Variants in ASTN2 observed in about 807,000 individuals in gnomAD.
ASTN2 encodes astrotactin 2.
Under a neutral mutation model 139.8 loss-of-function variants are expected in ASTN2, and 54 were observed. That is an observed-to-expected ratio of 0.39 (90% CI 0.31 to 0.48). ASTN2 has a LOEUF of 0.48. Ranked by LOEUF, ASTN2 falls within the 20% of genes least tolerant of loss-of-function variation. The probability of loss-of-function intolerance (pLI) is 0.95; values close to 1 mark genes in which losing one functional copy is unlikely to be tolerated. For synonymous variants in ASTN2, 756 were observed against 719.5 expected (o/e 1.05, Z -0.81); for missense variants, 1,565 against 1,725.1 (o/e 0.91, Z 1.64).
chr9:116,952,019 G>C (rs2132487866), intron 10 of ASTN2, among the ~76,000 whole-genome samples: 1 of 152,270 alleles, frequency 6.6e-6, no homozygotes, highest in Non-Finnish European at 1.5e-5. Flanking sequence ...CAAAGCCTGT[G>C]GGTTGTGCCA....
chr9:116,437,841 A>G (rs1233576088), intron 22 of ASTN2, among the ~76,000 whole-genome samples: 1 of 152,194 alleles, frequency 6.6e-6, no homozygotes, highest in Non-Finnish European at 1.5e-5. Flanking sequence ...AGGACCCAAC[A>G]TAACTGATAA....
chr9:116,667,107 C>A (rs960298382), intron 16 of ASTN2, among the ~76,000 whole-genome samples: 1 of 151,506 alleles, frequency 6.6e-6, no homozygotes, highest in African/African-American at 2.4e-5. Flanking sequence ...AGGTGTGCAC[C>A]ACCACCCCTG....
chr9:116,731,219 AATAAT>A (rs1449368744), intron 14 of ASTN2, among the ~76,000 whole-genome samples: 22 of 106,468 alleles, frequency 2.1e-4, no homozygotes, highest in African/African-American at 5.9e-4. Context: ...TAATAATAAT[AATAAT>A]AAATCTTTTG....
At chr9:116,651,205 C>A (rs529160093) in intron 17 of ASTN2, among the ~76,000 whole-genome samples, 1 of 152,204 alleles carries the variant, frequency 6.6e-6, no homozygotes, top group East Asian at 1.9e-4. Context: ...GCATGAGCCA[C>A]CATGCCCAGC....
At chr9:117,065,390 C>T (rs994601811) in intron 5 of ASTN2, among the ~76,000 whole-genome samples, 70 of 152,108 alleles carry the variant, frequency 4.6e-4, no homozygotes, top group African/African-American at 1.6e-3. Context: ...ACCTTTTTTT[C>T]GAGACTCAGT....
chr9:116,855,060 A>G (rs1026957713), intron 11 of ASTN2, among the ~76,000 whole-genome samples: 1 of 152,110 alleles, frequency 6.6e-6, no homozygotes, highest in East Asian at 1.9e-4. Flanking sequence ...AATGACTTCC[A>G]CACAATAAAA....
chr9:117,151,494 G>C (rs1032537301), intron 3 of ASTN2, among the ~76,000 whole-genome samples: 3 of 152,166 alleles, frequency 2.0e-5, no homozygotes, highest in African/African-American at 7.2e-5. Context: ...ACAGGACACT[G>C]TTTAGTGGAA....
intron 10 of ASTN2, among the ~76,000 whole-genome samples, chr9:116,889,282 A>G (rs576729180): frequency 3.3e-5 from 5 of 152,276 alleles, no homozygotes; most frequent in Admixed American, 2.6e-4. Flanking sequence ...TCTCACCACT[A>G]TCTCTCTGGA....
At chr9:116,597,758 A>G (rs1360683235) in intron 19 of ASTN2, among the ~76,000 whole-genome samples, 1 of 152,126 alleles carries the variant, frequency 6.6e-6, no homozygotes, top group Non-Finnish European at 1.5e-5. Context: ...TGATCTCTAC[A>G]TTGGGTAGAG....
At chr9:116,982,712 C>T (rs112786951) in intron 7 of ASTN2, among the ~76,000 whole-genome samples, 3,527 of 152,166 alleles carry the variant, frequency 0.023, 153 homozygotes, top group African/African-American at 0.081. Flanking sequence ...ACTATAGGCA[C>T]GTGCCATCAT....
intron 3 of ASTN2, among the ~76,000 whole-genome samples, chr9:117,211,543 A>T (rs1274270490): frequency 6.6e-6 from 1 of 152,118 alleles, no homozygotes; most frequent in Non-Finnish European, 1.5e-5. Context: ...CTCTTTTGCC[A>T]TTACTGTAAG....
intron 1 of ASTN2, among the ~76,000 whole-genome samples, chr9:117,362,993 G>A (rs776608353): frequency 1.1e-4 from 16 of 152,104 alleles, no homozygotes; most frequent in Non-Finnish European, 1.9e-4. Context: ...ACCATCATTA[G>A]TTTCAATATC....
At chr9:116,922,974 G>A (rs1834654721) in intron 10 of ASTN2, among the ~76,000 whole-genome samples, 2 of 152,176 alleles carry the variant, frequency 1.3e-5, no homozygotes, top group African/African-American at 4.8e-5. Context: ...CAGAGGTGGT[G>A]CAGAACCTTC....
At chr9:117,104,121 G>A (rs1829047408) in intron 4 of ASTN2, among the ~76,000 whole-genome samples, 1 of 152,164 alleles carries the variant, frequency 6.6e-6, no homozygotes, top group Admixed American at 6.5e-5. Context: ...ATCCCCCAGG[G>A]AAGAAATTTC....
chr9:116,697,549 G>A, intron 16 of ASTN2: 1 of 701,190 alleles, frequency 1.4e-6, no homozygotes, highest in Non-Finnish European at 2.3e-6. Context: ...TAAAATAGTT[G>A]TTAAGTAAGG....
intron 5 of ASTN2, among the ~76,000 whole-genome samples, chr9:117,084,174 G>T (rs556347839): frequency 6.6e-6 from 1 of 152,244 alleles, no homozygotes; most frequent in East Asian, 1.9e-4. Flanking sequence ...TCGTTAAATA[G>T]GGCCAAATGC....
At chr9:116,892,172 CTTAT>C (rs1833777823) in intron 10 of ASTN2, among the ~76,000 whole-genome samples, 1 of 152,140 alleles carries the variant, frequency 6.6e-6, no homozygotes, top group African/African-American at 2.4e-5. Flanking sequence ...TTTAAAATCA[CTTAT>C]TTATAATAAA....
At chr9:116,877,037 T>C (rs923842103) in intron 10 of ASTN2, among the ~76,000 whole-genome samples, 19 of 152,216 alleles carry the variant, frequency 1.2e-4, no homozygotes, top group African/African-American at 4.6e-4. Flanking sequence ...CTCAAATTTC[T>C]GGTCATAAAT....
intron 16 of ASTN2, among the ~76,000 whole-genome samples, chr9:116,725,429 A>C (rs1312867022): frequency 6.6e-6 from 1 of 151,924 alleles, no homozygotes; most frequent in African/African-American, 2.4e-5. Flanking sequence ...TCAAGAAGAC[A>C]CCACTTGCTG....
Sources: gnomAD v4.1 joint callset for allele counts (sites outside exome capture counted in the v4.1 genomes callset) on GRCh38, gnomAD v4.1.1 for gene constraint, MANE v1.5 for transcripts, NCBI Gene and HGNC (gene_info 2026-07-23, HGNC 2026-07-21) for gene names.